The following SGCZ variants were observed in gnomAD, a reference collection of about 807,000 sequenced individuals.
SGCZ encodes the protein zeta-sarcoglycan.
In SGCZ, 40 loss-of-function variants were observed where a neutral mutation model predicts 41.3. The ratio of observed to expected loss-of-function variants is 0.97; its 90% CI spans 0.75 to 1.26. SGCZ has a LOEUF of 1.26. SGCZ is among the 50% of genes most tolerant of loss of function. The pLI is 0.00. For synonymous variants in SGCZ, 206 were observed against 137.5 expected, an observed-to-expected ratio of 1.50 and a Z score of -3.49; for missense variants, 552 against 369.8, an observed-to-expected ratio of 1.49 and a Z score of -4.04.
At chr8:14,514,863 G>C (rs370668885) in intron 2 of SGCZ, among the ~76,000 whole-genome samples, 1 of 148,038 alleles carries the variant, frequency 6.8e-6, no homozygotes, top group East Asian at 2.0e-4. Context: ...TGAACCCATA[G>C]ACAGAAATTA....
chr8:14,899,171 C>A (rs1024738948), intron 1 of SGCZ, among the ~76,000 whole-genome samples: 2 of 152,000 alleles, frequency 1.3e-5, no homozygotes, highest in African/African-American at 4.8e-5. Flanking sequence ...CAATTTGTGG[C>A]AATGAACATA....
At chr8:14,880,358 C>T (rs550506994) in intron 1 of SGCZ, among the ~76,000 whole-genome samples, 2 of 152,150 alleles carry the variant, frequency 1.3e-5, no homozygotes, top group Non-Finnish European at 2.9e-5. Context: ...GTTGGTGGGA[C>T]TGTAAACTAG....
rs145754589 is a variant in SGCZ, at chr8:14,962,622, A to G, written c.39+274963T>C. On this transcript the variant is annotated intron_variant, in intron 1 of 7. Transcript: ENST00000382080. The stretch of plus-strand genomic sequence containing the variant: ...AAATATAGAAAATTCATTTTTATGT[A>G]TCTGAGATAGTAACTAAGTAAGGAA... 3.1e-3 allele frequency among the ~76,000 whole-genome samples: 479 copies of G among 152,330 alleles called. 3 individuals carry two copies. Among genetic ancestry groups the G allele is most frequent in the Middle Eastern group, 0.014 (4 of 292 alleles).
At chr8:15,027,800 A>G (rs934043995) in intron 1 of SGCZ, among the ~76,000 whole-genome samples, 15 of 152,074 alleles carry the variant, frequency 9.9e-5, no homozygotes, top group South Asian at 4.1e-4. Context: ...GGGATAAAAA[A>G]GTACTCATAA....
At chr8:14,561,009 G>T (rs187627014) in intron 1 of SGCZ, among the ~76,000 whole-genome samples, 4 of 152,202 alleles carry the variant, frequency 2.6e-5, no homozygotes, top group Admixed American at 1.3e-4. Flanking sequence ...CTACGCTGCA[G>T]TAAGAAAAGG....
At chr8:14,762,538 T>G (rs1423331317) in intron 1 of SGCZ, among the ~76,000 whole-genome samples, 1 of 152,190 alleles carries the variant, frequency 6.6e-6, no homozygotes, top group African/African-American at 2.4e-5. Flanking sequence ...ATAGGGAGGT[T>G]TATTACACAA....
intron 1 of SGCZ, among the ~76,000 whole-genome samples, chr8:15,209,458 A>C (rs1279932728): frequency 6.7e-6 from 1 of 150,274 alleles, no homozygotes; most frequent in Non-Finnish European, 1.5e-5. Flanking sequence ...CAGCGAAGTT[A>C]CGTGTCAGCA....
chr8:14,712,045 G>T (rs1318083578), intron 1 of SGCZ, among the ~76,000 whole-genome samples: 1 of 152,152 alleles, frequency 6.6e-6, no homozygotes, highest in African/African-American at 2.4e-5. Context: ...GAGGTGGGTG[G>T]ATCACCTGAG....
At chr8:14,576,776 G>A (rs553635047) in intron 1 of SGCZ, among the ~76,000 whole-genome samples, 4 of 152,226 alleles carry the variant, frequency 2.6e-5, no homozygotes, top group East Asian at 3.9e-4. Context: ...GGAAACATGA[G>A]CAGATGCACA....
chr8:14,912,999 T>C (rs1286135573), intron 1 of SGCZ, among the ~76,000 whole-genome samples: 1 of 152,070 alleles, frequency 6.6e-6, no homozygotes, highest in East Asian at 1.9e-4. Flanking sequence ...ATTTTGTTTG[T>C]CCTATTTTAT....
At chr8:14,849,153 A>T (rs1247240853) in intron 1 of SGCZ, among the ~76,000 whole-genome samples, 1 of 152,146 alleles carries the variant, frequency 6.6e-6, no homozygotes, top group African/African-American at 2.4e-5. Context: ...AGAATATCTA[A>T]AATTAAAGAG....
rs568525341 is a variant in SGCZ, at chr8:14,148,190, C to A, written c.547+16390G>T. On this transcript the variant is annotated intron_variant, in intron 5 of 7. Transcript: ENST00000382080. ...CCAAACCCAAAATTAGTAGAAGAAA[C>A]AATAAAATATTAGAGCAGAGATAAA... 9.2e-5 allele frequency among the ~76,000 whole-genome samples: 14 copies of A among 151,452 alleles called. No homozygotes were observed. In the South Asian group the frequency reaches 2.5e-3, roughly 27 times the overall value.
chr8:15,185,500 T>C lies in SGCZ; in HGVS notation c.39+52085A>G, dbSNP rs539469858. 2.0e-5 allele frequency among the ~76,000 whole-genome samples: 3 copies of C among 152,366 alleles called. No individual in the cohort carries two copies. In the East Asian group the frequency reaches 5.8e-4, roughly 29 times the overall value. ...TTCCTACTTGTTTACTCTTTTTCTA[T>C]ATCTACTCACTTGATATATGAGAAA... On this transcript the variant is annotated intron_variant, in intron 1 of 7. Coordinates refer to ENST00000382080, the MANE Select transcript of SGCZ (RefSeq NM_139167.4).
chr8:15,206,435 C>T (rs538552252), intron 1 of SGCZ, among the ~76,000 whole-genome samples: 1 of 137,678 alleles, frequency 7.3e-6, no homozygotes, highest in Non-Finnish European at 1.5e-5. Flanking sequence ...AGGTAGGCTG[C>T]TTTTACTCTG....
chr8:14,677,502 T>C (rs12675427), intron 1 of SGCZ, among the ~76,000 whole-genome samples: 86,037 of 151,964 alleles, frequency 0.57, 25,888 homozygotes, highest in East Asian at 0.76. Context: ...CCGGGCGGGG[T>C]GGCTCACACC....
At chr8:14,118,679 G>A (rs1183707466) in intron 5 of SGCZ, among the ~76,000 whole-genome samples, 1 of 152,102 alleles carries the variant, frequency 6.6e-6, no homozygotes. Flanking sequence ...TTCTTCCAGG[G>A]TTTTTATGGT....
intron 1 of SGCZ, among the ~76,000 whole-genome samples, chr8:15,083,923 G>A (rs1034960886): frequency 2.0e-5 from 3 of 152,040 alleles, no homozygotes; most frequent in Admixed American, 1.3e-4. Context: ...TCTTCCCCAT[G>A]TTTCATGGTC....
chr8:14,558,578 G>GAGAGAGAGAGAGAGAA (rs1384130490), intron 1 of SGCZ, among the ~76,000 whole-genome samples: 7 of 128,840 alleles, frequency 5.4e-5, no homozygotes, highest in Non-Finnish European at 1.1e-4. Context: ...GACTCTTAGA[G>GAGAGAGAGAGAGAGAA]AGAGAGAGAG....
chr8:14,201,434 A>C (rs28417690), intron 4 of SGCZ, among the ~76,000 whole-genome samples: 2,836 of 152,254 alleles, frequency 0.019, 89 homozygotes, highest in African/African-American at 0.064. Flanking sequence ...GCAACAGAAT[A>C]CTCCTTAGTA....
Sources: allele counts gnomAD v4.1 joint callset (sites outside exome capture counted in the v4.1 genomes callset), GRCh38; gene constraint gnomAD v4.1.1; transcripts MANE v1.5; gene names NCBI Gene and HGNC (gene_info 2026-07-23, HGNC 2026-07-21).